The following RBPMS variants were observed in gnomAD, a reference collection of about 807,000 sequenced individuals.
RBPMS encodes the protein RNA binding protein, mRNA processing factor.
RBPMS carries 7 observed loss-of-function variants against 26.8 expected under a neutral mutation model. That is an observed-to-expected ratio of 0.26 (90% CI 0.15 to 0.49). RBPMS has a LOEUF of 0.49. Among genes scored for constraint, RBPMS ranks in the 20% least tolerant of loss-of-function variants. The probability of loss-of-function intolerance (pLI) is 0.98; values close to 1 mark genes in which losing one functional copy is unlikely to be tolerated. For synonymous variants in RBPMS, 96 were observed against 93.3 expected (o/e 1.03, Z -0.17); for missense variants, 186 against 250.0 (o/e 0.74, Z 1.73).
At chr8:30,511,611 A>G (rs1041919758) in intron 5 of RBPMS, among the ~76,000 whole-genome samples, 1 of 149,146 alleles carries the variant, frequency 6.7e-6, no homozygotes, top group Non-Finnish European at 1.5e-5. Context: ...GTGTATATAT[A>G]TATTTGTATA....
chr8:30,547,752 G>A (rs1032482697), intron 6 of RBPMS, among the ~76,000 whole-genome samples: 13 of 152,178 alleles, frequency 8.5e-5, no homozygotes, highest in African/African-American at 2.9e-4. Context: ...TGTTGGAAGC[G>A]TCTCATCCAC....
At chr8:30,515,477 A>G (rs1822208010) in intron 5 of RBPMS, among the ~76,000 whole-genome samples, 1 of 152,172 alleles carries the variant, frequency 6.6e-6, no homozygotes, top group East Asian at 1.9e-4. Context: ...TTTTTTTCAT[A>G]TACTACAGCC....
At chr8:30,484,531 A>G (rs1818592774) in intron 4 of RBPMS, among the ~76,000 whole-genome samples, 1 of 152,222 alleles carries the variant, frequency 6.6e-6, no homozygotes, top group African/African-American at 2.4e-5. Context: ...GTTTTGTTTA[A>G]AAGAGGTAAA....
chr8:30,385,347 CG>C, intron 1 of RBPMS, 189 bp downstream of exon 1: 1 of 422,066 alleles, frequency 2.4e-6, no homozygotes. Context: ...CGCGCGTCTG[CG>C]GGCCCCAAAT....
chr8:30,424,899 A>G (rs1010295115), intron 1 of RBPMS, among the ~76,000 whole-genome samples: 1 of 152,120 alleles, frequency 6.6e-6, no homozygotes, highest in Non-Finnish European at 1.5e-5. Context: ...ACGCGCGCAC[A>G]CACACACAAA....
chr8:30,565,069 G>C (rs1379887712), intron 7 of RBPMS: 1 of 152,212 alleles, frequency 6.6e-6, no homozygotes, highest in African/African-American at 2.4e-5. Flanking sequence ...GTGTGGAGGG[G>C]TCCTGGAGAG....
intron 5 of RBPMS, among the ~76,000 whole-genome samples, chr8:30,527,620 C>T (rs1244256023): frequency 6.6e-6 from 1 of 152,140 alleles, no homozygotes; most frequent in Non-Finnish European, 1.5e-5. Flanking sequence ...CTGTGGGCTT[C>T]ATGATCCATT....
At chr8:30,417,640 A>C (rs1033623053) in intron 1 of RBPMS, among the ~76,000 whole-genome samples, 12 of 152,224 alleles carry the variant, frequency 7.9e-5, no homozygotes, top group African/African-American at 2.9e-4. Context: ...ACCACAGTTA[A>C]CGGTTTAATG....
chr8:30,414,993 C>T (rs763382174), intron 1 of RBPMS, among the ~76,000 whole-genome samples: 1 of 152,110 alleles, frequency 6.6e-6, no homozygotes, highest in Non-Finnish European at 1.5e-5. Context: ...TCTCGTGGTC[C>T]TGCATTCCCA....
chr8:30,390,776 C>T (rs1233887125), intron 1 of RBPMS, among the ~76,000 whole-genome samples: 1 of 152,140 alleles, frequency 6.6e-6, no homozygotes, highest in Admixed American at 6.5e-5. Context: ...TGGGTCTATG[C>T]CATTTTACAG....
At chr8:30,439,641 CT>C (rs143963703) in intron 1 of RBPMS, among the ~76,000 whole-genome samples, 80 of 149,208 alleles carry the variant, frequency 5.4e-4, no homozygotes, top group African/African-American at 1.8e-3. Flanking sequence ...CGTTTTTTGA[CT>C]TTTTTTTTTC....
At chr8:30,430,854 A>G (rs1218683492) in intron 1 of RBPMS, among the ~76,000 whole-genome samples, 6 of 152,246 alleles carry the variant, frequency 3.9e-5, no homozygotes, top group African/African-American at 1.4e-4. Context: ...CCAAAAAGAT[A>G]TATCAAATGC....
At position 30,522,645 on chromosome 8, in the gene RBPMS, T is replaced by G. The variant is rs1270512502; in HGVS notation, c.397+18209T>G. ...GAAACTTTTGGAAATGATGGATATA[T>G]TTATGATATTGATTGTAGTGAGAGT... On this transcript the variant is annotated intron_variant, in intron 5 of 8. Transcript: ENST00000397323. Among the ~76,000 whole-genome samples the G allele has an allele frequency of 2.0e-5, 3 of 152,230 alleles. No homozygotes were observed. The East Asian group carries it at 5.8e-4, about 29-fold the overall frequency.
In RBPMS at chr8:30,558,880, T is replaced by A; in HGVS notation, c.529-7T>A. 6.2e-7 allele frequency: 1 copy of A among 1,613,848 alleles called. No homozygotes were observed. The highest frequency in any genetic ancestry group is 1.7e-5 in the Admixed American group (1 of 60,028). On this transcript the variant is annotated splice_region_variant and splice_polypyrimidine_tract_variant and intron_variant, in intron 6 of 8. Coordinates refer to ENST00000397323, the MANE Select transcript of RBPMS (RefSeq NM_001008710.3). ...CTGGCTCACGGCCTTCTCCCATGTC[T>A]TTTCAGATGCGCTGGCTCCCTCCCT...
intron 1 of RBPMS, among the ~76,000 whole-genome samples, chr8:30,388,112 C>G (rs1275257359): frequency 6.6e-6 from 1 of 152,024 alleles, no homozygotes; most frequent in African/African-American, 2.4e-5. Flanking sequence ...AATACACGTA[C>G]AATGTATTAT....
intron 5 of RBPMS, among the ~76,000 whole-genome samples, chr8:30,540,177 G>A (rs1375070917): frequency 6.6e-6 from 1 of 152,148 alleles, no homozygotes; most frequent in African/African-American, 2.4e-5. Context: ...TGATGAGTAA[G>A]AGTTAAGCCA....
At chr8:30,503,311 C>T (rs781353418) in intron 4 of RBPMS, among the ~76,000 whole-genome samples, 1 of 152,030 alleles carries the variant, frequency 6.6e-6, no homozygotes, top group Non-Finnish European at 1.5e-5. Flanking sequence ...AGTGCAATGG[C>T]GCGATCTTGG....
At chr8:30,555,163 CT>C (rs1392933603) in intron 6 of RBPMS, among the ~76,000 whole-genome samples, 1 of 152,150 alleles carries the variant, frequency 6.6e-6, no homozygotes, top group Non-Finnish European at 1.5e-5. Flanking sequence ...TGAGTTGCTT[CT>C]TTTTCTGGGT....
chr8:30,517,189 C>CGTGTGT (rs56327512), intron 5 of RBPMS, among the ~76,000 whole-genome samples: 4,898 of 132,432 alleles, frequency 0.037, 93 homozygotes, highest in African/African-American at 0.051. Context: ...GCCAAGACCC[C>CGTGTGT]GTGTGTGTGT....
Sources: gnomAD v4.1 joint callset for allele counts (sites outside exome capture counted in the v4.1 genomes callset) on GRCh38, gnomAD v4.1.1 for gene constraint, MANE v1.5 for transcripts, NCBI Gene and HGNC (gene_info 2026-07-23, HGNC 2026-07-21) for gene names.